The following TNKS variants were observed in gnomAD, a reference collection of about 807,000 sequenced individuals.
TNKS encodes poly [ADP-ribose] polymerase tankyrase-1.
In TNKS, 72 loss-of-function variants were observed where a neutral mutation model predicts 135.8. The observed-to-expected ratio is 0.53, with a 90% CI of 0.44 to 0.64. The LOEUF (loss-of-function observed/expected upper bound fraction) is 0.64. Among genes scored for constraint, TNKS ranks in the 30% least tolerant of loss-of-function variants. TNKS has a pLI of 0.00. For synonymous variants in TNKS, 849 were observed against 649.3 expected (o/e 1.31, Z -4.68); for missense variants, 1,769 against 1,674.0 (o/e 1.06, Z -0.99).
chr8:9,761,715 G>T (rs964785530), intron 21 of TNKS, 79 bp downstream of exon 21: 1 of 1,457,326 alleles, frequency 6.9e-7, no homozygotes. Context: ...TTGAACTCAG[G>T]CAGTCCAGTC....
chr8:9,741,681 T>C (rs758006250), intron 17 of TNKS: 2 of 524,290 alleles, frequency 3.8e-6, no homozygotes, highest in Middle Eastern at 6.4e-4. Context: ...TTACTTACTC[T>C]ACGTGTGTGT....
At chr8:9,587,844 A>T (rs1181041764) in intron 2 of TNKS, among the ~76,000 whole-genome samples, 1 of 152,232 alleles carries the variant, frequency 6.6e-6, no homozygotes, top group Non-Finnish European at 1.5e-5. Context: ...CATATATTAT[A>T]AAAACATCTT....
rs1807873820 is a variant in TNKS, at chr8:9,771,610, G to A, written c.3897+1348G>A. Among the ~76,000 whole-genome samples the A allele has an allele frequency of 2.4e-5, 3 of 126,144 alleles. No individual in the cohort carries two copies. In the South Asian group the frequency reaches 9.1e-4, roughly 38 times the overall value. 82.8% of individuals were successfully genotyped at this position (126,144 alleles called of 152,430 possible). A position where few individuals can be genotyped will look rare whatever the true frequency, so the allele number is the denominator to read the frequency against. ...AAGGGAGAGGAAAGAAAGAAGGGAG[G>A]AAGAGAGGAAGGAAAGAGGGAGGGA... On this transcript the variant is annotated intron_variant, in intron 26 of 26. Coordinates refer to ENST00000310430, the MANE Select transcript of TNKS (RefSeq NM_003747.3).
chr8:9,643,887 A>G (rs1021812835), intron 3 of TNKS, among the ~76,000 whole-genome samples: 15 of 152,326 alleles, frequency 9.8e-5, no homozygotes, highest in African/African-American at 3.4e-4. Context: ...CCATCAAGAG[A>G]TAAACCGATA....
intron 3 of TNKS, among the ~76,000 whole-genome samples, chr8:9,664,016 C>T (rs1172662994): frequency 1.3e-5 from 2 of 152,216 alleles, no homozygotes; most frequent in Non-Finnish European, 2.9e-5. Context: ...ATTGTTTCCT[C>T]TGGTACCAGC....
chr8:9,630,006 T>C (rs1424375704), intron 3 of TNKS, among the ~76,000 whole-genome samples: 2 of 152,162 alleles, frequency 1.3e-5, no homozygotes, highest in Non-Finnish European at 2.9e-5. Context: ...AATATTTAGG[T>C]CTCAGCCTAA....
chr8:9,751,652 A>C lies in TNKS; in HGVS notation c.2876A>C (p.Glu959Ala). 6.2e-7 allele frequency: 1 copy of C among 1,614,196 alleles called. No homozygotes were observed. ...TTGCTGATAGATGCCATGCCCCCAG[A>C]GGCCTTACCTACCTGTTTTAAACCT... ...RALLIDAMPP[E>A]ALPTCFKPQA... Residue 959 changes from glutamate to alanine, a missense_variant, in exon 19 of 27, where the codon GAG becomes GCG. Glu to Ala is a moderately radical substitution (Grantham distance 107). Around this residue, in one of 5 missense-constraint regions of TNKS, gnomAD observed 722 missense variants for 688.9 expected, o/e 1.05. Coordinates refer to ENST00000310430, the MANE Select transcript of TNKS (RefSeq NM_003747.3).
At chr8:9,775,806 A>G (rs1359746174) in intron 26 of TNKS, among the ~76,000 whole-genome samples, 1 of 152,032 alleles carries the variant, frequency 6.6e-6, no homozygotes, top group Non-Finnish European at 1.5e-5. Context: ...TGCTCACCCA[A>G]GAGTCTTCTT....
At position 9,564,285 on chromosome 8, in the gene TNKS, G is replaced by A. The variant is rs529275092; in HGVS notation, c.673+7673G>A. Among the ~76,000 whole-genome samples, 552 of 152,248 alleles carry A rather than the reference G, an allele frequency of 3.6e-3. 1 individual carries two copies. The highest frequency in any genetic ancestry group is 4.7e-3 in the Non-Finnish European group (321 of 68,020). On this transcript the variant is annotated intron_variant, in intron 1 of 26. Coordinates refer to ENST00000310430, the MANE Select transcript of TNKS (RefSeq NM_003747.3). ...GCCAGGTGTTCTTTCCTGACGGGAA[G>A]TGATTCTTTGACAGTTAACAGGCCA...
At chr8:9,734,827 A>G in intron 15 of TNKS, 38 bp from the exon 16 acceptor site, 1 of 1,569,384 alleles carries the variant, frequency 6.4e-7, no homozygotes, top group Non-Finnish European at 8.7e-7. Context: ...TACTTACTAC[A>G]GAAAATACAA....
chr8:9,718,594 T>C (rs1804721113), intron 11 of TNKS, among the ~76,000 whole-genome samples: 1 of 152,166 alleles, frequency 6.6e-6, no homozygotes, highest in South Asian at 2.1e-4. Flanking sequence ...TACTGAGTTA[T>C]TCATCTTCTG....
chr8:9,681,420 A>G (rs547642551), intron 5 of TNKS, among the ~76,000 whole-genome samples: 291 of 152,254 alleles, frequency 1.9e-3, no homozygotes, highest in Non-Finnish European at 3.8e-3. Context: ...TTCATTATCT[A>G]CTTTGTATTC....
chr8:9,726,081 A>T (rs1805145507), intron 12 of TNKS, among the ~76,000 whole-genome samples: 1 of 152,194 alleles, frequency 6.6e-6, no homozygotes, highest in Admixed American at 6.5e-5. Context: ...TTTTAAAAGT[A>T]GTACATTGAG....
intron 1 of TNKS, among the ~76,000 whole-genome samples, chr8:9,562,908 C>A (rs927230523): frequency 1.3e-5 from 2 of 149,934 alleles, no homozygotes; most frequent in African/African-American, 4.9e-5. Context: ...GTGTTCGTTT[C>A]TCTAGATAGA....
chr8:9,556,855 C>G (rs1815338820), intron 1 of TNKS: 1 of 583,472 alleles, frequency 1.7e-6, no homozygotes. Flanking sequence ...ACAAAACTCA[C>G]TGTAGTTGGT....
At chr8:9,616,849 G>C (rs1799663283) in intron 3 of TNKS, among the ~76,000 whole-genome samples, 1 of 152,158 alleles carries the variant, frequency 6.6e-6, no homozygotes, top group Non-Finnish European at 1.5e-5. Context: ...ATTTTAAGTA[G>C]TGAAATTAAA....
chr8:9,567,639 G>A (rs1404147565), intron 1 of TNKS, among the ~76,000 whole-genome samples: 1 of 152,096 alleles, frequency 6.6e-6, no homozygotes, highest in East Asian at 1.9e-4. Context: ...GGATGGTCTC[G>A]TTCTCCTGAT....
chr8:9,567,951 A>G lies in TNKS; in HGVS notation c.673+11339A>G, dbSNP rs528008751. 1.1e-4 allele frequency among the ~76,000 whole-genome samples: 16 copies of G among 152,294 alleles called. No homozygotes were observed. In the South Asian group the frequency reaches 3.1e-3, roughly 30 times the overall value. On this transcript the variant is annotated intron_variant, in intron 1 of 26. Transcript: ENST00000310430. ...TTTTACCACATTTAAGTGAAAAAAA[A>G]GGGGGGTATCATAGTGGACATTTTA...
chr8:9,586,722 C>CGTGTGTGTGTGT lies in TNKS; in HGVS notation c.898+6368_898+6379dup, dbSNP rs5889287. 7.4e-3 allele frequency among the ~76,000 whole-genome samples: 1,057 copies of CGTGTGTGTGTGT among 143,274 alleles called. 11 individuals carry two copies. The highest frequency in any genetic ancestry group is 0.026 in the African/African-American group (1,011 of 39,266). The allele number at this position is 143,274 out of a possible 152,430, so 94.0% of individuals were successfully genotyped here. The stretch of plus-strand genomic sequence containing the variant: ...TAGTCTATATAATTTATATCTAAAA[C>CGTGTGTGTGTGT]GTGTGTGTGTGTGTGTGTGTGTGTG... On this transcript the variant is annotated intron_variant, in intron 2 of 26. Transcript: ENST00000310430.
Sources: allele counts gnomAD v4.1 joint callset (sites outside exome capture counted in the v4.1 genomes callset), GRCh38; gene constraint gnomAD v4.1.1; regional missense constraint gnomAD v4.1.1; transcripts MANE v1.5; gene names NCBI Gene and HGNC (gene_info 2026-07-23, HGNC 2026-07-21).